Variants in TMEM132D observed in about 807,000 individuals in gnomAD.
TMEM132D encodes the protein mature OL transmembrane protein.
Under a neutral mutation model 62.3 loss-of-function variants are expected in TMEM132D, and 21 were observed. That is an observed-to-expected ratio of 0.34 (90% CI 0.24 to 0.49). The LOEUF (loss-of-function observed/expected upper bound fraction) is 0.49, where lower values mean the gene tolerates loss of function less well. Among genes scored for constraint, TMEM132D ranks in the 20% least tolerant of loss-of-function variants. TMEM132D has a pLI of 0.99. For synonymous variants in TMEM132D, 621 were observed against 575.6 expected (o/e 1.08, Z -1.13); for missense variants, 1,346 against 1,402.8 (o/e 0.96, Z 0.65).
chr12:129,470,680 T>C (rs984535783), intron 3 of TMEM132D, among the ~76,000 whole-genome samples: 1 of 152,234 alleles, frequency 6.6e-6, no homozygotes, highest in Non-Finnish European at 1.5e-5. Flanking sequence ...CATGACAACA[T>C]GAAATTGACA....
At chr12:129,640,243 T>C (rs892634042) in intron 2 of TMEM132D, among the ~76,000 whole-genome samples, 1 of 152,178 alleles carries the variant, frequency 6.6e-6, no homozygotes, top group African/African-American at 2.4e-5. Context: ...CAAGGAATCG[T>C]CTTTGTAACT....
Position 129,618,919 on chromosome 12 carries a change from G to A in TMEM132D, c.968+80891C>T, listed in dbSNP as rs758145008. ...TCGATCTGGAAGGGCAGGACAACTC[G>A]AAGCGGGGGCTGCCTGGTCATAGGT... On this transcript the variant is annotated intron_variant, in intron 2 of 8. Coordinates refer to ENST00000422113, the MANE Select transcript of TMEM132D (RefSeq NM_133448.3). Among the ~76,000 whole-genome samples the A allele has an allele frequency of 5.1e-4, 77 of 152,162 alleles. 1 individual carries two copies. The highest frequency in any genetic ancestry group is 9.4e-4 in the Non-Finnish European group (64 of 68,028).
intron 5 of TMEM132D, among the ~76,000 whole-genome samples, chr12:129,135,433 G>A (rs1161292608): frequency 6.6e-6 from 1 of 152,132 alleles, no homozygotes; most frequent in East Asian, 1.9e-4. Flanking sequence ...CAGGAAGGTG[G>A]CATTTCAGGG....
chr12:129,266,177 C>A (rs1390697668), intron 4 of TMEM132D, among the ~76,000 whole-genome samples: 2 of 152,138 alleles, frequency 1.3e-5, no homozygotes, highest in African/African-American at 4.8e-5. Context: ...CAAGAAGCAG[C>A]ATTAGGCATA....
intron 1 of TMEM132D, among the ~76,000 whole-genome samples, chr12:129,713,713 C>G (rs1050386887): frequency 6.6e-6 from 1 of 152,208 alleles, no homozygotes; most frequent in Non-Finnish European, 1.5e-5. Flanking sequence ...AACACAGAGA[C>G]AAAAACCTTC....
chr12:129,892,310 T>G (rs12319495), intron 1 of TMEM132D, among the ~76,000 whole-genome samples: 26,004 of 152,224 alleles, frequency 0.17, 2,885 homozygotes, highest in East Asian at 0.56. Flanking sequence ...GAAAAATCTA[T>G]GTTTAATAGA....
chr12:129,659,330 G>A (rs1880176483), intron 2 of TMEM132D, among the ~76,000 whole-genome samples: 2 of 151,930 alleles, frequency 1.3e-5, no homozygotes, highest in South Asian at 4.3e-4. Flanking sequence ...CAGAATGCAA[G>A]TTTTTCAGCA....
At chr12:129,764,138 A>G (rs1311363536) in intron 1 of TMEM132D, among the ~76,000 whole-genome samples, 5 of 152,228 alleles carry the variant, frequency 3.3e-5, no homozygotes, top group African/African-American at 1.2e-4. Flanking sequence ...GTCATCAGGT[A>G]GCAAGCCCAT....
At chr12:129,449,461 C>G (rs1041851552) in intron 3 of TMEM132D, among the ~76,000 whole-genome samples, 1 of 152,196 alleles carries the variant, frequency 6.6e-6, no homozygotes, top group Non-Finnish European at 1.5e-5. Flanking sequence ...TCTGAGCCTG[C>G]AGAGCAGGAG....
At position 129,677,183 on chromosome 12, in the gene TMEM132D, A is replaced by C. The variant is rs144161744; in HGVS notation, c.968+22627T>G. On this transcript the variant is annotated intron_variant, in intron 2 of 8. Coordinates refer to ENST00000422113, the MANE Select transcript of TMEM132D (RefSeq NM_133448.3). ...ACTCCCACAATTCCCACATGTCATGAGAGGAACCTGGTGGGAGGTGAATGA... is the reference window on the plus strand; with the variant it reads ...ACTCCCACAATTCCCACATGTCATGCGAGGAACCTGGTGGGAGGTGAATGA... Among the ~76,000 whole-genome samples, 3 of 152,250 alleles carry C rather than the reference A, an allele frequency of 2.0e-5. No homozygotes were observed. In the East Asian group the frequency reaches 5.8e-4, roughly 29 times the overall value.
At chr12:129,725,765 A>AAGT (rs1320236600) in intron 1 of TMEM132D, among the ~76,000 whole-genome samples, 2 of 152,234 alleles carry the variant, frequency 1.3e-5, no homozygotes, top group Non-Finnish European at 2.9e-5. Context: ...TCTGCACAGA[A>AAGT]AAGTTAACAC....
At chr12:129,785,027 A>AT (rs1486081414) in intron 1 of TMEM132D, among the ~76,000 whole-genome samples, 2 of 152,152 alleles carry the variant, frequency 1.3e-5, no homozygotes, top group Non-Finnish European at 2.9e-5. Flanking sequence ...TGGCACGTTT[A>AT]TTTTCGTTGC....
At chr12:129,628,007 C>T (rs7342374) in intron 2 of TMEM132D, among the ~76,000 whole-genome samples, 34,081 of 152,042 alleles carry the variant, frequency 0.22, 4,394 homozygotes, top group East Asian at 0.38. Context: ...TAATTTATAT[C>T]ACACAAAAGA....
chr12:129,284,386 T>C (rs1881237328), intron 4 of TMEM132D, among the ~76,000 whole-genome samples: 1 of 152,244 alleles, frequency 6.6e-6, no homozygotes, highest in South Asian at 2.1e-4. Flanking sequence ...AAGAGTCATT[T>C]TAAGGCACTC....
At chr12:129,614,402 T>C (rs78159213) in intron 2 of TMEM132D, among the ~76,000 whole-genome samples, 39,164 of 152,070 alleles carry the variant, frequency 0.26, 5,820 homozygotes, top group East Asian at 0.48. Context: ...GGGTGAACTC[T>C]TAGTCATGAA....
intron 1 of TMEM132D, among the ~76,000 whole-genome samples, chr12:129,884,515 CTCAACA>C (rs1874694441): frequency 6.6e-6 from 1 of 152,226 alleles, no homozygotes; most frequent in African/African-American, 2.4e-5. Context: ...CTAAATGCCA[CTCAACA>C]TCATTAGTAA....
intron 1 of TMEM132D, among the ~76,000 whole-genome samples, chr12:129,770,143 G>GTT (rs71082754): frequency 0.026 from 3,389 of 128,020 alleles, 228 homozygotes; most frequent in African/African-American, 0.096. Flanking sequence ...TTTTTTGGTT[G>GTT]TTTTTTTTTT....
In TMEM132D at chr12:129,121,210, C is replaced by A. The variant is rs150282290; in HGVS notation, c.1444-36508G>T. Among the ~76,000 whole-genome samples the A allele has an allele frequency of 6.7e-3, 1,013 of 152,258 alleles. 10 individuals are homozygous for A. The highest frequency in any genetic ancestry group is 0.023 in the African/African-American group (966 of 41,544). On this transcript the variant is annotated intron_variant, in intron 5 of 8. Transcript: ENST00000422113. ...TCCTGAGTTCAAGCGATTCTCCTGC[C>A]TCAGCCTCCCAAGTAGCTGGGATTA...
intron 2 of TMEM132D, among the ~76,000 whole-genome samples, chr12:129,674,187 G>A (rs1000563081): frequency 4.6e-5 from 7 of 152,176 alleles, no homozygotes; most frequent in South Asian, 4.1e-4. Context: ...TGCTAATTCC[G>A]GAGGCATCAA....
Sources: gnomAD v4.1 joint callset for allele counts (sites outside exome capture counted in the v4.1 genomes callset) on GRCh38, gnomAD v4.1.1 for gene constraint, MANE v1.5 for transcripts, NCBI Gene and HGNC (gene_info 2026-07-23, HGNC 2026-07-21) for gene names.